LAMTOR5: variants seen among roughly 807,000 people sequenced by gnomAD.
LAMTOR5 encodes ragulator complex protein LAMTOR5.
In LAMTOR5, 8 loss-of-function variants were observed where a neutral mutation model predicts 12.1. That is an observed-to-expected ratio of 0.66 (90% CI 0.39 to 1.19). The LOEUF (loss-of-function observed/expected upper bound fraction) is 1.19, where lower values mean the gene tolerates loss of function less well. Among genes scored for constraint, LAMTOR5 ranks in the 50% most tolerant of loss-of-function variants. LAMTOR5 has a pLI of 0.01. For missense variants in LAMTOR5, 110 were observed against 112.8 expected, an observed-to-expected ratio of 0.97 and a Z score of 0.11; for synonymous variants, 37 against 41.9, an observed-to-expected ratio of 0.88 and a Z score of 0.45.
chr1:110,403,843 C>T (rs1237583958), intron 3 of LAMTOR5, 76 bp downstream of exon 3: 1 of 1,579,316 alleles, frequency 6.3e-7, no homozygotes, highest in African/African-American at 1.4e-5. Context: ...CACTGATGAA[C>T]ACAGGGCCGG....
intron 1 of LAMTOR5, 99 bp from the exon 2 acceptor site, chr1:110,406,478 G>A (rs1663332040): frequency 2.7e-6 from 2 of 736,412 alleles, no homozygotes; most frequent in African/African-American, 1.8e-5. Flanking sequence ...GGCATTAAGT[G>A]CTTTAAATCA....
chr1:110,407,597 G>C lies in LAMTOR5; in HGVS notation c.24C>G (p.His8Gln), dbSNP rs761053718. MEATLEQHLEDTMKNPSI... is the reference protein window; with the variant it reads MEATLEQQLEDTMKNPSI... ...CGCGCACTACTCACGTGTCTTCCAA[G>C]TGCTGCTCCAAGGTCGCCTCCATCC... Residue 8 changes from histidine to glutamine, a missense_variant, in exon 1 of 4, where the codon CAC becomes CAG. Transcript: ENST00000602318. 13 of 1,613,982 alleles carry C rather than the reference G, an allele frequency of 8.1e-6. No individual in the cohort carries two copies. The highest frequency in any genetic ancestry group is 1.0e-5 in the Non-Finnish European group (12 of 1,180,012).
rs529634001 is a variant in LAMTOR5 at position 110,401,793 on chromosome 1, A to G, written c.216-210T>C. ...ATGAATCCTTAATCCTACTACACAC[A>G]GACAACCACTGTTAATATTTCCCTG... is the stretch of plus-strand genomic sequence containing the variant. On this transcript the variant is annotated intron_variant, in intron 3 of 3. Coordinates refer to ENST00000602318, the MANE Select transcript of LAMTOR5 (RefSeq NM_001382293.1). 1.1e-4 allele frequency among the ~76,000 whole-genome samples: 17 copies of G among 152,312 alleles called. 1 individual carries two copies. Among genetic ancestry groups the G allele is most frequent in the Admixed American group, 9.8e-4 (15 of 15,306 alleles).
rs1161 is a variant in LAMTOR5 at position 110,401,465 on chromosome 1, A to G, written c.*58T>C. ...TGGAACTTTAGTAGTTCTATAAGGT[A>G]ATTAACATAGGTAGGATCCAGTTCC... On this transcript the variant is annotated 3_prime_UTR_variant, in exon 4 of 4. Transcript: ENST00000602318. 24,495 of 1,554,666 alleles carry G rather than the reference A, an allele frequency of 0.016. 243 individuals are homozygous for G. The highest frequency in any genetic ancestry group is 0.018 in the Non-Finnish European group (20,093 of 1,133,044).
chr1:110,402,492 C>T (rs905510837), intron 3 of LAMTOR5, among the ~76,000 whole-genome samples: 2 of 152,156 alleles, frequency 1.3e-5, no homozygotes, highest in Non-Finnish European at 2.9e-5. Context: ...GTGATCTGCC[C>T]GCCTTGGCCT....
chr1:110,401,686 A>AC, intron 3 of LAMTOR5, 103 bp from the exon 4 acceptor site: 1 of 1,239,946 alleles, frequency 8.1e-7, no homozygotes, highest in Non-Finnish European at 1.1e-6. Flanking sequence ...AAAATAATGT[A>AC]ATTGTTTCTA....
chr1:110,406,723 C>G (rs1245926372), intron 1 of LAMTOR5: 5 of 295,718 alleles, frequency 1.7e-5, no homozygotes, highest in African/African-American at 4.4e-5. Context: ...ACTCGGGAGG[C>G]TGAGGCAAGA....
intron 3 of LAMTOR5, chr1:110,403,699 T>C (rs376192956): frequency 3.9e-6 from 2 of 512,772 alleles, no homozygotes; most frequent in East Asian, 3.7e-5. Context: ...GGTAAACTGA[T>C]AGCTTCTGCC....
rs932303949 is a variant in LAMTOR5, at chr1:110,401,352, A to C, written c.*171T>G. The C allele has an allele frequency of 1.9e-6, 1 of 517,316 alleles. No individual in the cohort carries two copies. The highest frequency in any genetic ancestry group is 3.3e-6 in the Non-Finnish European group (1 of 302,220). 32.0% of individuals were successfully genotyped at this position (517,316 alleles called of 1,614,324 possible). A position where few individuals can be genotyped will look rare whatever the true frequency, so the allele number is the denominator to read the frequency against. On this transcript the variant is annotated 3_prime_UTR_variant, in exon 4 of 4. Coordinates refer to ENST00000602318, the MANE Select transcript of LAMTOR5 (RefSeq NM_001382293.1). ...ATGATCCTTTCTTACTAATATCTTG[A>C]TAGTCGGTCCATAGAGCATTAGAAA...
chr1:110,407,655 G>C lies in LAMTOR5; in HGVS notation c.-35C>G. The stretch of plus-strand genomic sequence containing the variant: ...CGACCACTCCGGCTCAGAACCCAGC[G>C]GCACGGCACGTCCTTCTCCACCACA... On this transcript the variant is annotated 5_prime_UTR_variant, in exon 1 of 4. Coordinates refer to ENST00000602318, the MANE Select transcript of LAMTOR5 (RefSeq NM_001382293.1). 2 of 1,614,052 alleles carry C rather than the reference G, an allele frequency of 1.2e-6. No homozygotes were observed. The highest frequency in any genetic ancestry group is 2.2e-5 in the South Asian group (2 of 91,080).
At chr1:110,407,529 C>T (rs1663359506) in intron 1 of LAMTOR5, 57 bp downstream of exon 1, 1 of 1,579,118 alleles carries the variant, frequency 6.3e-7, no homozygotes, top group Non-Finnish European at 8.6e-7. Flanking sequence ...CCTTTCGTTC[C>T]GCTCAAGTTC....
Position 110,404,916 on chromosome 1 carries a change from C to T in LAMTOR5, c.98-880G>A, listed in dbSNP as rs1663297832. ...TACAAAAATTATCTGGGCGTGGTGG[C>T]AGGCGCCTGTAATCCCAGCTACTCA... On this transcript the variant is annotated intron_variant, in intron 2 of 3. Transcript: ENST00000602318. 3.3e-5 allele frequency among the ~76,000 whole-genome samples: 5 copies of T among 151,886 alleles called. No homozygotes were observed. In the South Asian group the frequency reaches 1.0e-3, roughly 32 times the overall value.
In LAMTOR5 at chr1:110,401,442, G is replaced by C. The variant is rs1480355743; in HGVS notation, c.*81C>G. 6.9e-7 allele frequency: 1 copy of C among 1,458,322 alleles called. No individual in the cohort carries two copies. The highest frequency in any genetic ancestry group is 1.4e-5 in the African/African-American group (1 of 71,712). The allele number at this position is 1,458,322 out of a possible 1,614,324, so 90.3% of individuals were successfully genotyped here. ...CATTAAATGAATGGCCTAACTACTG[G>C]AACTTTAGTAGTTCTATAAGGTAAT... On this transcript the variant is annotated 3_prime_UTR_variant, in exon 4 of 4. Transcript: ENST00000602318.
rs959615389 is a variant in LAMTOR5, at chr1:110,407,100, C to A, written c.35+486G>T. ...CAGGTGTCTCTCTGTACCCTTTACA[C>A]TTTTCCAGTTTTGAATTTTACATAG... On this transcript the variant is annotated intron_variant, in intron 1 of 3. Transcript: ENST00000602318. The A allele has an allele frequency of 3.6e-5, 24 of 663,432 alleles. No individual in the cohort carries two copies. The African/African-American group carries it at 4.3e-4, about 12-fold the overall frequency. The allele number at this position is 663,432 out of a possible 1,614,324, so 41.1% of individuals were successfully genotyped here. A position where few individuals can be genotyped will look rare whatever the true frequency, so the allele number is the denominator to read the frequency against.
intron 1 of LAMTOR5, chr1:110,406,674 A>G: frequency 3.6e-6 from 1 of 280,670 alleles, no homozygotes; most frequent in Non-Finnish European, 6.7e-6. Context: ...AAAATACAAA[A>G]TTAGCCAGGC....
chr1:110,401,649 T>C (rs1663230611), intron 3 of LAMTOR5, 66 bp from the exon 4 acceptor site: 2 of 1,514,632 alleles, frequency 1.3e-6, no homozygotes, highest in Non-Finnish European at 1.8e-6. Context: ...AGATTAAAGA[T>C]GTTGTTTGCT....
intron 3 of LAMTOR5, among the ~76,000 whole-genome samples, chr1:110,402,464 T>C (rs1663249116): frequency 6.6e-6 from 1 of 152,176 alleles, no homozygotes; most frequent in African/African-American, 2.4e-5. Flanking sequence ...TTAGGCTGTC[T>C]CACACTCCTT....
intron 1 of LAMTOR5, 33 bp from the exon 2 acceptor site, chr1:110,406,412 A>G (rs758931849): frequency 6.7e-7 from 1 of 1,488,398 alleles, no homozygotes; most frequent in Admixed American, 1.8e-5. Flanking sequence ...GTTGAAGTAC[A>G]TAATGGGAGA....
intron 1 of LAMTOR5, 122 bp downstream of exon 1, chr1:110,407,464 T>C: frequency 7.9e-7 from 1 of 1,263,524 alleles, no homozygotes; most frequent in Non-Finnish European, 1.1e-6. Context: ...TCATCCCGTG[T>C]CCCGGGGGTC....
Sources: gnomAD v4.1 joint callset for allele counts (sites outside exome capture counted in the v4.1 genomes callset) on GRCh38, gnomAD v4.1.1 for gene constraint, MANE v1.5 for transcripts, NCBI Gene and HGNC (gene_info 2026-07-23, HGNC 2026-07-21) for gene names.